Variants in TNNI3 observed in about 807,000 individuals in gnomAD.
TNNI3 encodes troponin I, cardiac muscle.
Under a neutral mutation model 31.5 loss-of-function variants are expected in TNNI3, and 23 were observed. The observed-to-expected ratio is 0.73, with a 90% CI of 0.52 to 1.03. The LOEUF (loss-of-function observed/expected upper bound fraction) is 1.03. Ranked by LOEUF, TNNI3 falls within the 50% of genes least tolerant of loss-of-function variation. TNNI3 has a pLI of 0.00. For synonymous variants in TNNI3, 120 were observed against 111.7 expected (o/e 1.07, Z -0.47); for missense variants, 236 against 282.9 (o/e 0.83, Z 1.19).
intron 5 of TNNI3, among the ~76,000 whole-genome samples, chr19:55,155,137 G>A (rs2085720094): frequency 1.1e-5 from 1 of 89,636 alleles, no homozygotes; most frequent in Non-Finnish European, 2.3e-5. Context: ...AGGAGGGGCT[G>A]GGGACTGGAC....
chr19:55,157,669 T>G lies in TNNI3; in HGVS notation c.-80A>C, dbSNP rs978507226. ...AGGGTCAGTGAGGGGGCCGCCCGGG[T>G]GACCTTCAGGGTCCCAGGGACCGTC... On this transcript the variant is annotated 5_prime_UTR_variant, in exon 1 of 8. Coordinates refer to ENST00000344887, the MANE Select transcript of TNNI3 (RefSeq NM_000363.5). This position sits in a 1 kb window ranked among gnomAD's most constrained non-coding sequence, Gnocchi z 6.3. The G allele has an allele frequency of 1.0e-5, 16 of 1,573,562 alleles. No homozygotes were observed. The highest frequency in any genetic ancestry group is 1.4e-5 in the Non-Finnish European group (16 of 1,146,862).
intron 7 of TNNI3, among the ~76,000 whole-genome samples, chr19:55,153,612 G>T (rs1213074859): frequency 6.6e-6 from 1 of 151,504 alleles, no homozygotes; most frequent in African/African-American, 2.4e-5. Context: ...GGAGGCTGAG[G>T]CATGAGAATC....
At position 55,152,512 on chromosome 19, in the gene TNNI3, G is replaced by A. The variant is rs180758407; in HGVS notation, c.550-595C>T. Among the ~76,000 whole-genome samples, 1 of 152,282 alleles carries A rather than the reference G, an allele frequency of 6.6e-6. No individual in the cohort carries two copies. Among genetic ancestry groups the A allele is most frequent in the East Asian group, 1.9e-4 (1 of 5,188 alleles). On this transcript the variant is annotated intron_variant, in intron 7 of 7. Transcript: ENST00000344887. The surrounding 1 kb of genome is among the most constrained non-coding windows in gnomAD (Gnocchi z 4.0). ...CCACCTCACCTCATCTCAGCACATA[G>A]GCACTGTCATTTTACATCACAAGGA...
intron 6 of TNNI3, 30 bp from the exon 7 acceptor site, chr19:55,154,236 T>TAGAA: frequency 6.2e-7 from 1 of 1,603,672 alleles, no homozygotes; most frequent in Non-Finnish European, 8.5e-7. Flanking sequence ...TGGGTACTTC[T>TAGAA]CCTTCCATTT....
At position 55,157,732 on chromosome 19, in the gene TNNI3, T is replaced by C; in HGVS notation, c.-143A>G. 2 of 871,502 alleles carry C rather than the reference T, an allele frequency of 2.3e-6. No homozygotes were observed. Among genetic ancestry groups the C allele is most frequent in the South Asian group, 3.0e-5 (2 of 67,782 alleles). 54.0% of individuals were successfully genotyped at this position (871,502 alleles called of 1,614,324 possible). A position where few individuals can be genotyped will look rare whatever the true frequency, so the allele number is the denominator to read the frequency against. On this transcript the variant is annotated 5_prime_UTR_variant, in exon 1 of 8. Transcript: ENST00000344887. The surrounding 1 kb of genome is among the most constrained non-coding windows in gnomAD (Gnocchi z 6.3). The stretch of plus-strand genomic sequence containing the variant: ...GCTGCTTGAGACTCCCCGAGGACAC[T>C]GAGATAAAGGGCGAGGACACAGACT...
intron 7 of TNNI3, among the ~76,000 whole-genome samples, chr19:55,153,366 A>T (rs943457915): frequency 2.6e-5 from 4 of 150,970 alleles, no homozygotes; most frequent in African/African-American, 9.8e-5. Flanking sequence ...TCAGGCATCC[A>T]CTCCTATCTT....
chr19:55,156,075 C>T lies in TNNI3; in HGVS notation c.282+126G>A. 6.9e-7 allele frequency: 1 copy of T among 1,451,712 alleles called. No individual in the cohort carries two copies. 89.9% of individuals were successfully genotyped at this position (1,451,712 alleles called of 1,614,324 possible). ...CAAAGGGTGTTAGGGGCCAGGAGTC[C>T]CACGAACCATATATAATTGGGTAAG... is the stretch of plus-strand genomic sequence containing the variant. On this transcript the variant is annotated intron_variant, in intron 5 of 7. Transcript: ENST00000344887. This position sits in a 1 kb window ranked among gnomAD's most constrained non-coding sequence, Gnocchi z 4.6.
chr19:55,154,261 TC>T lies in TNNI3; in HGVS notation c.373-56del, dbSNP rs2085713654. 4.5e-6 allele frequency: 7 copies of T among 1,555,754 alleles called. No homozygotes were observed. The South Asian group carries it at 7.8e-5, about 17-fold the overall frequency. Reference sequence around the variant, plus strand: ...TCCTTCCATTTCCCGCACACCCAACTCCTCCATCCTACACTCCTTTTTTATT... The same window carrying T: ...TCCTTCCATTTCCCGCACACCCAACTCTCCATCCTACACTCCTTTTTTATT... On this transcript the variant is annotated intron_variant, in intron 6 of 7. Coordinates refer to ENST00000344887, the MANE Select transcript of TNNI3 (RefSeq NM_000363.5).
rs2085700185 is a variant in TNNI3 at position 55,152,332 on chromosome 19, C to T, written c.550-415G>A. On this transcript the variant is annotated intron_variant, in intron 7 of 7. Coordinates refer to ENST00000344887, the MANE Select transcript of TNNI3 (RefSeq NM_000363.5). This position sits in a 1 kb window ranked among gnomAD's most constrained non-coding sequence, Gnocchi z 4.0. ...TCTCTTCTTATTATAGTAGTCCCTC[C>T]TTTTCTGCAATTTTACTTTGTGTGG... Among the ~76,000 whole-genome samples, 3 of 152,188 alleles carry T rather than the reference C, an allele frequency of 2.0e-5. No homozygotes were observed. Among genetic ancestry groups the T allele is most frequent in the Admixed American group, 1.3e-4 (2 of 15,280 alleles).
Position 55,152,189 on chromosome 19 carries a change from A to C in TNNI3, c.550-272T>G, listed in dbSNP as rs2085699290. On this transcript the variant is annotated intron_variant, in intron 7 of 7. Coordinates refer to ENST00000344887, the MANE Select transcript of TNNI3 (RefSeq NM_000363.5). The surrounding 1 kb of genome is among the most constrained non-coding windows in gnomAD (Gnocchi z 4.0). ...ATGTACTTTCTGTCTTTCCCCATCC[A>C]CTTCCTGTCTCCCTCATGCACTTCC... is the stretch of plus-strand genomic sequence containing the variant. 1.4e-5 allele frequency among the ~76,000 whole-genome samples: 2 copies of C among 143,708 alleles called. No homozygotes were observed. The highest frequency in any genetic ancestry group is 2.6e-5 in the African/African-American group (1 of 38,116). 94.3% of individuals were successfully genotyped at this position (143,708 alleles called of 152,430 possible).
At position 55,156,118 on chromosome 19, in the gene TNNI3, C is replaced by T; in HGVS notation, c.282+83G>A. 6.2e-7 allele frequency: 1 copy of T among 1,607,628 alleles called. No individual in the cohort carries two copies. The highest frequency in any genetic ancestry group is 1.7e-5 in the Admixed American group (1 of 59,814). ...TGGGTAAGGACAGCCATATTGGACG[C>T]CTGGGTCCCGAGCAGAAGAGGGGAT... On this transcript the variant is annotated intron_variant, in intron 5 of 7. Transcript: ENST00000344887. The surrounding 1 kb of genome is among the most constrained non-coding windows in gnomAD (Gnocchi z 4.6).
In TNNI3 at chr19:55,154,785, C is replaced by T. The variant is rs2147283707; in HGVS notation, c.328G>A (p.Glu110Lys). ...ACTTTTGCCTCTATGTCGTATCTCT[C>T]TTCATCCACCTTGTCCACACGGGCG... ...LHARVDKVDE[E>K]RYDIEAKVTK... The change falls in exon 6 of 8, where the codon GAG (glutamate) becomes AAG (lysine). Residue 110 changes from glutamate (E) to lysine (K), a missense_variant. Physicochemically the swap from Glu to Lys is moderately conservative, Grantham distance 56. Around this residue, in one of 4 missense-constraint regions of TNNI3, gnomAD observed 172 missense variants for 171.8 expected, o/e 1.00. Transcript: ENST00000344887. 6.2e-7 allele frequency: 1 copy of T among 1,614,204 alleles called. No individual in the cohort carries two copies. Among genetic ancestry groups the T allele is most frequent in the Admixed American group, 1.7e-5 (1 of 60,024 alleles).
Position 55,157,522 on chromosome 19 carries a change from C to T in TNNI3, c.11+57G>A, listed in dbSNP as rs757997668. 4 of 1,609,920 alleles carry T rather than the reference C, an allele frequency of 2.5e-6. No homozygotes were observed. Among genetic ancestry groups the T allele is most frequent in the Non-Finnish European group, 3.4e-6 (4 of 1,177,050 alleles). On this transcript the variant is annotated intron_variant, in intron 1 of 7. Coordinates refer to ENST00000344887, the MANE Select transcript of TNNI3 (RefSeq NM_000363.5). This position sits in a 1 kb window ranked among gnomAD's most constrained non-coding sequence, Gnocchi z 6.3. ...AGGGTCCAGCCTCTCAGCTGCGACC[C>T]CTCTTGGGAACCCGGGAGGTCGCCC... is the stretch of plus-strand genomic sequence containing the variant.
chr19:55,152,018 G>A lies in TNNI3; in HGVS notation c.550-101C>T. ...CAGCCTGTGGGGCCACTCTACCCTGGATGCCTAAGTATCTAGTTCTGGAGC... is the reference window on the plus strand; with the variant it reads ...CAGCCTGTGGGGCCACTCTACCCTGAATGCCTAAGTATCTAGTTCTGGAGC... On this transcript the variant is annotated intron_variant, in intron 7 of 7. Coordinates refer to ENST00000344887, the MANE Select transcript of TNNI3 (RefSeq NM_000363.5). This position sits in a 1 kb window ranked among gnomAD's most constrained non-coding sequence, Gnocchi z 4.0. The A allele has an allele frequency of 9.6e-7, 1 of 1,044,762 alleles. No homozygotes were observed. Among genetic ancestry groups the A allele is most frequent in the Non-Finnish European group, 1.5e-6 (1 of 678,824 alleles). 64.7% of individuals were successfully genotyped at this position (1,044,762 alleles called of 1,614,324 possible).
chr19:55,156,957 C>T lies in TNNI3; in HGVS notation c.108+93G>A, dbSNP rs1401408726. 1.4e-6 allele frequency: 2 copies of T among 1,406,798 alleles called. No homozygotes were observed. Among genetic ancestry groups the T allele is most frequent in the African/African-American group, 1.4e-5 (1 of 70,406 alleles). The allele number at this position is 1,406,798 out of a possible 1,614,324, so 87.1% of individuals were successfully genotyped here. ...CCCCTGAAGCCCCTCCGCGTAGTCC[C>T]CGCCCCCTTCGCAGCCCTGGCTCCT... is the stretch of plus-strand genomic sequence containing the variant. On this transcript the variant is annotated intron_variant, in intron 3 of 7. Coordinates refer to ENST00000344887, the MANE Select transcript of TNNI3 (RefSeq NM_000363.5). This position sits in a 1 kb window ranked among gnomAD's most constrained non-coding sequence, Gnocchi z 4.6.
intron 7 of TNNI3, 85 bp downstream of exon 7, chr19:55,153,945 C>T (rs988934141): frequency 1.6e-5 from 25 of 1,516,594 alleles, no homozygotes; most frequent in Non-Finnish European, 2.2e-5. Flanking sequence ...CAACTCCAAG[C>T]ACCATCTGCC....
chr19:55,151,940 A>C lies in TNNI3; in HGVS notation c.550-23T>G, dbSNP rs778080246. On this transcript the variant is annotated intron_variant, in intron 7 of 7. Coordinates refer to ENST00000344887, the MANE Select transcript of TNNI3 (RefSeq NM_000363.5). Reference sequence around the variant, plus strand: ...TTCCTGGAGGATGGCGATGAGTCAGAGGTTAGGGTCTCTTCTTGGTCTCCA... The same window carrying C: ...TTCCTGGAGGATGGCGATGAGTCAGCGGTTAGGGTCTCTTCTTGGTCTCCA... 2.5e-5 allele frequency: 41 copies of C among 1,611,034 alleles called. No individual in the cohort carries two copies. In the Admixed American group the frequency reaches 6.5e-4, roughly 26 times the overall value.
chr19:55,156,723 C>G lies in TNNI3; in HGVS notation c.109-79G>C. On this transcript the variant is annotated intron_variant, in intron 3 of 7. Transcript: ENST00000344887. This position sits in a 1 kb window ranked among gnomAD's most constrained non-coding sequence, Gnocchi z 4.6. ...CGGTGGAGGGGACCTCAAGACACCC[C>G]CAGCAAACCCAGCCGGTCCAGATTT... 6.8e-7 allele frequency: 1 copy of G among 1,473,628 alleles called. No individual in the cohort carries two copies. Among genetic ancestry groups the G allele is most frequent in the East Asian group, 2.5e-5 (1 of 40,486 alleles). The allele number at this position is 1,473,628 out of a possible 1,614,324, so 91.3% of individuals were successfully genotyped here.
intron 6 of TNNI3, 156 bp downstream of exon 6, chr19:55,154,585 T>C: frequency 1.4e-6 from 1 of 733,754 alleles, no homozygotes; most frequent in Non-Finnish European, 2.5e-6. Flanking sequence ...CTTGACTATA[T>C]TGTACTCATC....
Sources: allele counts gnomAD v4.1 joint callset (sites outside exome capture counted in the v4.1 genomes callset), GRCh38; gene constraint gnomAD v4.1.1; regional missense constraint gnomAD v4.1.1; non-coding constraint Gnocchi (gnomAD v3.1); transcripts MANE v1.5; gene names NCBI Gene and HGNC (gene_info 2026-07-23, HGNC 2026-07-21).